CYFIP1: variants seen among roughly 807,000 people sequenced by gnomAD.
CYFIP1 encodes the protein cytoplasmic FMR1-interacting protein 1.
A neutral mutation model predicts 163.5 loss-of-function variants in CYFIP1; 58 were observed. The observed-to-expected ratio is 0.35, with a 90% CI of 0.29 to 0.44. The LOEUF (loss-of-function observed/expected upper bound fraction) is 0.44. Among genes scored for constraint, CYFIP1 ranks in the 20% least tolerant of loss-of-function variants. The pLI is 1.00. For missense variants in CYFIP1, 1,338 were observed against 1,653.8 expected, an observed-to-expected ratio of 0.81 and a Z score of 3.31; for synonymous variants, 663 against 660.7, an observed-to-expected ratio of 1.00 and a Z score of -0.05.
At chr15:22,957,508 C>T (rs1284641047) in intron 1 of CYFIP1, among the ~76,000 whole-genome samples, 29 of 152,202 alleles carry the variant, frequency 1.9e-4, no homozygotes, top group Non-Finnish European at 2.4e-4. Context: ...TGGTGGCGGG[C>T]GCCTGTAGTG....
intron 1 of CYFIP1, chr15:22,951,410 C>T (rs1008920049): frequency 6.2e-6 from 8 of 1,289,116 alleles, no homozygotes; most frequent in East Asian, 5.6e-5. Context: ...CCAGCCCCAG[C>T]GCTGCCTGCA....
At chr15:22,952,107 TTAGGC>T (rs2062269627) in intron 1 of CYFIP1, among the ~76,000 whole-genome samples, 1 of 152,168 alleles carries the variant, frequency 6.6e-6, no homozygotes, top group African/African-American at 2.4e-5. Flanking sequence ...CTTAACGACC[TTAGGC>T]TAAGTGAAAT....
chr15:22,962,998 A>G (rs2062740560), intron 1 of CYFIP1, among the ~76,000 whole-genome samples: 2 of 152,094 alleles, frequency 1.3e-5, no homozygotes, highest in Admixed American at 1.3e-4. Flanking sequence ...TGGGCAACAC[A>G]TGCTCCAGCA....
At position 22,867,519 on chromosome 15, in the gene CYFIP1, C is replaced by T. The variant is rs1396122423; in HGVS notation, c.*2509G>A. 7.6e-6 allele frequency: 2 copies of T among 263,914 alleles called. No individual in the cohort carries two copies. The highest frequency in any genetic ancestry group is 1.3e-4 in the East Asian group (2 of 15,164). The allele number at this position is 263,914 out of a possible 1,614,324, so 16.3% of individuals were successfully genotyped here. A position where few individuals can be genotyped will look rare whatever the true frequency, so the allele number is the denominator to read the frequency against. ...AGCCAGCACATCCTGCCTGCTGTTGCAGCCTGGCTGGGTTTATTCTTCAGT... is the reference window on the plus strand; with the variant it reads ...AGCCAGCACATCCTGCCTGCTGTTGTAGCCTGGCTGGGTTTATTCTTCAGT... On this transcript the variant is annotated 3_prime_UTR_variant, in exon 31 of 31. Transcript: ENST00000617928.
intron 22 of CYFIP1, among the ~76,000 whole-genome samples, chr15:22,897,451 G>C (rs1325477318): frequency 6.6e-6 from 1 of 151,570 alleles, no homozygotes; most frequent in Non-Finnish European, 1.5e-5. Flanking sequence ...GGCACCTCTA[G>C]TGAACATCTG....
In CYFIP1 at chr15:22,926,043, T is replaced by C; in HGVS notation, c.1298A>G (p.Glu433Gly). Residue 433 changes from glutamate to glycine, a missense_variant, in exon 13 of 31, where the codon GAA becomes GGA. Physicochemically the swap from Glu to Gly is moderately conservative, Grantham distance 98. Coordinates refer to ENST00000617928, the MANE Select transcript of CYFIP1 (RefSeq NM_014608.6). ...YSNKDCPDSA[E>G]EYERATRYNY... ...GTAGCGCGTGGCACGCTCGTACTCT[T>C]CAGCGCTGTCGGGGCAGTCCTTGTT... 1 of 1,614,132 alleles carries C rather than the reference T, an allele frequency of 6.2e-7. No homozygotes were observed. Among genetic ancestry groups the C allele is most frequent in the South Asian group, 1.1e-5 (1 of 91,066 alleles).
intron 22 of CYFIP1, among the ~76,000 whole-genome samples, chr15:22,894,562 T>A (rs1393608410): frequency 6.6e-6 from 1 of 151,674 alleles, no homozygotes; most frequent in African/African-American, 2.4e-5. Context: ...AGTGCTGGGA[T>A]TACAGGCATG....
chr15:22,962,533 G>T (rs917095435), intron 1 of CYFIP1, among the ~76,000 whole-genome samples: 1 of 151,758 alleles, frequency 6.6e-6, no homozygotes, highest in Admixed American at 6.6e-5. Flanking sequence ...CGAGTAGCTG[G>T]GATTACAGGT....
chr15:22,931,417 C>T (rs2061532342), intron 11 of CYFIP1, among the ~76,000 whole-genome samples: 1 of 152,028 alleles, frequency 6.6e-6, no homozygotes, highest in Admixed American at 6.6e-5. Flanking sequence ...ACTCCAGGCC[C>T]ACCTCCTGGA....
rs2062084587 is a variant in CYFIP1 at position 22,947,014 on chromosome 15, G to A, written c.196C>T (p.His66Tyr). ...IARYIEQATV[H>Y]SSMNEMLEEG... ...CACCGCAACATTACCATGCTAGAGT[G>A]GACGGTGGCTTGTTCAATGTATCTT... is the stretch of plus-strand genomic sequence containing the variant. The change falls in exon 3 of 31, where the codon CAC becomes TAC. Residue 66 changes from histidine to tyrosine, a missense_variant. Physicochemically the swap from His to Tyr is moderately conservative, Grantham distance 83. Transcript: ENST00000617928. 1 of 1,613,530 alleles carries A rather than the reference G, an allele frequency of 6.2e-7. No homozygotes were observed. Among genetic ancestry groups the A allele is most frequent in the African/African-American group, 1.3e-5 (1 of 74,912 alleles).
Position 22,927,927 on chromosome 15 carries a change from C to T in CYFIP1, c.1212G>A (p.Trp404Ter). 1 of 1,606,762 alleles carries T rather than the reference C, an allele frequency of 6.2e-7. No individual in the cohort carries two copies. Among genetic ancestry groups the T allele is most frequent in the Non-Finnish European group, 8.5e-7 (1 of 1,178,154 alleles). The change falls in exon 12 of 31, where the codon TGG becomes TGA. Residue 404 changes from tryptophan (W) to a stop codon, truncating the protein, a stop_gained. Coordinates refer to ENST00000617928, the MANE Select transcript of CYFIP1 (RefSeq NM_014608.6). LOFTEE classifies it high-confidence loss of function. ...CTACCACTTCCATCACGTGCGCGCTCCACTGCGACAACAGCTGCAGGCCCT... is the reference window on the plus strand; with the variant it reads ...CTACCACTTCCATCACGTGCGCGCTTCACTGCGACAACAGCTGCAGGCCCT... The part of the protein sequence containing the change: ...ALQGLQLLSQ[W>*]SAHVMEVYSW...
intron 1 of CYFIP1, among the ~76,000 whole-genome samples, chr15:22,960,295 A>G (rs2062631568): frequency 6.6e-6 from 1 of 152,142 alleles, no homozygotes; most frequent in African/African-American, 2.4e-5. Flanking sequence ...CTTCCTCCAC[A>G]TGCACCAAGA....
In CYFIP1 at chr15:22,886,977, A is replaced by G. The variant is rs751053665; in HGVS notation, c.2677-3966T>C. On this transcript the variant is annotated intron_variant, in intron 23 of 30. Coordinates refer to ENST00000617928, the MANE Select transcript of CYFIP1 (RefSeq NM_014608.6). Reference sequence around the variant, plus strand: ...AAGCCTTGTTGTTTGACGCATAAACATCTAGCATTGCTATGTTTTCTTCGT... The same window carrying G: ...AAGCCTTGTTGTTTGACGCATAAACGTCTAGCATTGCTATGTTTTCTTCGT... Among the ~76,000 whole-genome samples, 9 of 152,350 alleles carry G rather than the reference A, an allele frequency of 5.9e-5. No homozygotes were observed. In the South Asian group the frequency reaches 1.7e-3, roughly 28 times the overall value.
At position 22,939,391 on chromosome 15, in the gene CYFIP1, T is replaced by G; in HGVS notation, c.666+20A>C. On this transcript the variant is annotated intron_variant, in intron 7 of 30. Transcript: ENST00000617928. ...CGGCTGCTTGGCCCATCAACCTGAG[T>G]GTGCAAACACCAGCCTTACCTGTGT... The G allele has an allele frequency of 1.2e-6, 2 of 1,613,836 alleles. No homozygotes were observed. The highest frequency in any genetic ancestry group is 1.7e-6 in the Non-Finnish European group (2 of 1,179,908).
chr15:22,964,312 AC>A lies in CYFIP1; in HGVS notation c.-7+15974del, dbSNP rs1206977355. On this transcript the variant is annotated intron_variant, in intron 1 of 30. Transcript: ENST00000617928. The stretch of plus-strand genomic sequence containing the variant: ...CACACACACACACACACACACACAC[AC>A]AACTGGCGGCCCCACCAGCAGACTC... Among the ~76,000 whole-genome samples the A allele has an allele frequency of 1.7e-4, 15 of 86,788 alleles. No homozygotes were observed. The South Asian group carries it at 3.3e-3, about 19-fold the overall frequency. The allele number at this position is 86,788 out of a possible 152,430, so 56.9% of individuals were successfully genotyped here. A position where few individuals can be genotyped will look rare whatever the true frequency, so the allele number is the denominator to read the frequency against.
chr15:22,909,448 C>T, intron 20 of CYFIP1, 135 bp from the exon 21 acceptor site: 2 of 1,012,878 alleles, frequency 2.0e-6, no homozygotes, highest in Middle Eastern at 3.1e-4. Context: ...CAAGACCCAT[C>T]TCCCCACATA....
intron 26 of CYFIP1, among the ~76,000 whole-genome samples, chr15:22,879,472 T>A (rs1210063183): frequency 6.6e-6 from 1 of 152,068 alleles, no homozygotes; most frequent in East Asian, 1.9e-4. Flanking sequence ...CTGTCCACCA[T>A]GGGGCACGTG....
chr15:22,960,666 G>A (rs1326023558), intron 1 of CYFIP1, among the ~76,000 whole-genome samples: 1 of 152,256 alleles, frequency 6.6e-6, no homozygotes, highest in Non-Finnish European at 1.5e-5. Flanking sequence ...TCCAGAACAT[G>A]TGAAGGAAAC....
chr15:22,928,254 G>GTCTA (rs2061420533), intron 11 of CYFIP1, among the ~76,000 whole-genome samples: 1 of 152,150 alleles, frequency 6.6e-6, no homozygotes, highest in Non-Finnish European at 1.5e-5. Flanking sequence ...ATGGTGGCGG[G>GTCTA]CACCTGTAGT....
Sources: allele counts gnomAD v4.1 joint callset (sites outside exome capture counted in the v4.1 genomes callset), GRCh38; gene constraint gnomAD v4.1.1; transcripts MANE v1.5; gene names NCBI Gene and HGNC (gene_info 2026-07-23, HGNC 2026-07-21).